The following ABL1 variants were observed in gnomAD, a reference collection of about 807,000 sequenced individuals.
The protein encoded by ABL1 is tyrosine-protein kinase ABL1.
In ABL1, 11 loss-of-function variants were observed where a neutral mutation model predicts 94.7. The ratio of observed to expected loss-of-function variants is 0.12; its 90% CI spans 0.07 to 0.19. ABL1 has a LOEUF of 0.19. Ranked by LOEUF, ABL1 falls within the 10% of genes least tolerant of loss-of-function variation. ABL1 has a pLI of 1.00. For missense variants in ABL1, 1,082 were observed against 1,489.4 expected (o/e 0.73, Z 4.50); for synonymous variants, 656 against 622.4 (o/e 1.05, Z -0.80).
In ABL1 at chr9:130,876,909, T is replaced by C. The variant is rs1205184286; in HGVS notation, c.1271-1506T>C. Among the ~76,000 whole-genome samples the C allele has an allele frequency of 8.2e-5, 12 of 146,568 alleles. 3 individuals are homozygous for C. Among genetic ancestry groups the C allele is most frequent in the African/African-American group, 3.2e-4 (12 of 37,904 alleles). The stretch of plus-strand genomic sequence containing the variant: ...CCGCCGCCACACTCGGCCAATTTTT[T>C]TTCTATTTTTGTAGAGACGGGGTTT... On this transcript the variant is annotated intron_variant, in intron 7 of 10. Coordinates refer to ENST00000318560, the MANE Select transcript of ABL1 (RefSeq NM_005157.6).
chr9:130,800,074 A>G (rs1351235744), intron 1 of ABL1, among the ~76,000 whole-genome samples: 4 of 151,986 alleles, frequency 2.6e-5, no homozygotes, highest in Non-Finnish European at 5.9e-5. Flanking sequence ...GGGTTTCACC[A>G]TCTTGGTCAG....
chr9:130,771,807 G>A (rs1436572525), intron 1 of ABL1, among the ~76,000 whole-genome samples: 1 of 141,500 alleles, frequency 7.1e-6, no homozygotes, highest in Non-Finnish European at 1.5e-5. Context: ...AGGCTGGAGT[G>A]CAGTGGCAGA....
intron 1 of ABL1, among the ~76,000 whole-genome samples, chr9:130,716,292 T>G (rs939469381): frequency 5.9e-5 from 9 of 152,102 alleles, no homozygotes; most frequent in African/African-American, 2.2e-4. Flanking sequence ...AGACGGGGTT[T>G]CGCCATGTTG....
chr9:130,871,650 CCT>C (rs1346892845), intron 4 of ABL1, among the ~76,000 whole-genome samples: 3 of 152,238 alleles, frequency 2.0e-5, no homozygotes, highest in Non-Finnish European at 4.4e-5. Flanking sequence ...TGATGCAATA[CCT>C]CTTTCTTGTC....
chr9:130,855,575 C>T (rs944648763), intron 3 of ABL1, among the ~76,000 whole-genome samples: 17 of 152,234 alleles, frequency 1.1e-4, no homozygotes, highest in Non-Finnish European at 2.2e-4. Context: ...TGTGGACATA[C>T]GTGCATACAC....
chr9:130,720,359 T>G (rs973050859), intron 1 of ABL1, among the ~76,000 whole-genome samples: 2 of 152,070 alleles, frequency 1.3e-5, no homozygotes, highest in Non-Finnish European at 2.9e-5. Context: ...GGCATTTGAT[T>G]AAAGACCCGA....
chr9:130,720,303 G>C (rs545805728), intron 1 of ABL1, among the ~76,000 whole-genome samples: 1 of 152,290 alleles, frequency 6.6e-6, no homozygotes, highest in East Asian at 1.9e-4. Context: ...TGGGGTAGGA[G>C]GTGTAATTTT....
At chr9:130,765,227 A>G (rs1363043740) in intron 1 of ABL1, among the ~76,000 whole-genome samples, 1 of 152,112 alleles carries the variant, frequency 6.6e-6, no homozygotes, top group Non-Finnish European at 1.5e-5. Flanking sequence ...GGAGGTCCAT[A>G]TCCTTCATCA....
In ABL1 at chr9:130,872,185, C is replaced by T; in HGVS notation, c.879C>T (p.Ile293=). 6.2e-7 allele frequency: 1 copy of T among 1,614,084 alleles called. No homozygotes were observed. Among genetic ancestry groups the T allele is most frequent in the Non-Finnish European group, 8.5e-7 (1 of 1,179,950 alleles). ...AAGAAGCTGCAGTCATGAAAGAGAT[C>T]AAACACCCTAACCTGGTGCAGCTCC... The part of the protein sequence containing the change: ...FLKEAAVMKE[I]KHPNLVQLLG... The change falls in exon 5 of 11, where the codon ATC becomes ATT. Residue 293 remains isoleucine (I), a synonymous_variant. Coordinates refer to ENST00000318560, the MANE Select transcript of ABL1 (RefSeq NM_005157.6). This position sits in a 1 kb window ranked among gnomAD's most constrained non-coding sequence, Gnocchi z 5.0.
At position 130,844,150 on chromosome 9, in the gene ABL1, C is replaced by CT. The variant is rs1471585049; in HGVS notation, c.79+8626dup. ...TCTGCCTCTCGGCTGGCAGCCATCT[C>CT]TAAGGGATTTGAAGCAAGAGAGTGA... On this transcript the variant is annotated intron_variant, in intron 1 of 10. Transcript: ENST00000318560. Among the ~76,000 whole-genome samples the CT allele has an allele frequency of 4.6e-5, 7 of 152,264 alleles. No homozygotes were observed. The South Asian group carries it at 1.2e-3, about 27-fold the overall frequency.
At chr9:130,774,448 C>T (rs983156944) in intron 1 of ABL1, among the ~76,000 whole-genome samples, 10 of 151,972 alleles carry the variant, frequency 6.6e-5, no homozygotes, top group African/African-American at 2.4e-4. Flanking sequence ...ATTCAGACTG[C>T]CCTATAAAGC....
intron 1 of ABL1, among the ~76,000 whole-genome samples, chr9:130,797,555 A>T (rs1829996339): frequency 1.3e-5 from 2 of 152,034 alleles, no homozygotes; most frequent in South Asian, 4.1e-4. Context: ...TCATATTTTT[A>T]GTAGAGGCAG....
At chr9:130,821,903 G>T (rs1487946872) in intron 1 of ABL1, among the ~76,000 whole-genome samples, 1 of 149,686 alleles carries the variant, frequency 6.7e-6, no homozygotes, top group African/African-American at 2.5e-5. Flanking sequence ...TGCAGTGCGC[G>T]ATCTCAGCTC....
intron 1 of ABL1, among the ~76,000 whole-genome samples, chr9:130,817,278 A>G (rs1038115307): frequency 1.6e-4 from 25 of 152,380 alleles, no homozygotes; most frequent in African/African-American, 6.0e-4. Flanking sequence ...AATATCTGCT[A>G]GCCGTAATAA....
At position 130,862,864 on chromosome 9, in the gene ABL1, C is replaced by T; in HGVS notation, c.651C>T (p.Ala217=). 6.2e-7 allele frequency: 1 copy of T among 1,614,120 alleles called. No individual in the cohort carries two copies. The highest frequency in any genetic ancestry group is 8.5e-7 in the Non-Finnish European group (1 of 1,180,030). ...TCATCACCACGCTCCATTATCCAGCCCCAAAGCGCAACAAGCCCACTGTCT... is the reference window on the plus strand; with the variant it reads ...TCATCACCACGCTCCATTATCCAGCTCCAAAGCGCAACAAGCCCACTGTCT... ...DGLITTLHYP[A]PKRNKPTVYG... The change falls in exon 4 of 11, where the codon GCC becomes GCT. Residue 217 remains alanine, a synonymous_variant. Transcript: ENST00000318560. This position sits in a 1 kb window ranked among gnomAD's most constrained non-coding sequence, Gnocchi z 5.5.
intron 1 of ABL1, among the ~76,000 whole-genome samples, chr9:130,841,352 C>T (rs1270487170): frequency 6.6e-6 from 1 of 151,776 alleles, no homozygotes; most frequent in African/African-American, 2.4e-5. Flanking sequence ...CGTGATCCGC[C>T]CACCTCGGCC....
chr9:130,860,058 C>A (rs1200949550), intron 3 of ABL1, among the ~76,000 whole-genome samples: 3 of 152,174 alleles, frequency 2.0e-5, no homozygotes, highest in Non-Finnish European at 4.4e-5. Context: ...GCAGCCCTGA[C>A]TGAGCACCTG....
intron 1 of ABL1, among the ~76,000 whole-genome samples, chr9:130,733,672 G>T (rs973836293): frequency 4.1e-5 from 6 of 145,518 alleles, no homozygotes; most frequent in African/African-American, 1.6e-4. Context: ...TCCGCCACCT[G>T]GGTTCACACC....
At chr9:130,853,335 C>A (rs1830909667) in intron 1 of ABL1, among the ~76,000 whole-genome samples, 1 of 151,626 alleles carries the variant, frequency 6.6e-6, no homozygotes, top group Non-Finnish European at 1.5e-5. Flanking sequence ...GCCACCATGC[C>A]CGGCTGATTT....
Sources: gnomAD v4.1 joint callset for allele counts (sites outside exome capture counted in the v4.1 genomes callset) on GRCh38, gnomAD v4.1.1 for gene constraint, Gnocchi (gnomAD v3.1) non-coding constraint, MANE v1.5 for transcripts, NCBI Gene and HGNC (gene_info 2026-07-23, HGNC 2026-07-21) for gene names.